Variants in GABBR2 observed in about 807,000 individuals in gnomAD.
GABBR2 encodes gamma-aminobutyric acid type B receptor subunit 2.
In GABBR2, 23 loss-of-function variants were observed where a neutral mutation model predicts 105.6. The observed-to-expected ratio is 0.22, with a 90% CI of 0.16 to 0.31. The LOEUF (loss-of-function observed/expected upper bound fraction) is 0.31. Among genes scored for constraint, GABBR2 ranks in the 10% least tolerant of loss-of-function variants. GABBR2 has a pLI of 1.00. For synonymous variants in GABBR2, 478 were observed against 499.7 expected (o/e 0.96, Z 0.58); for missense variants, 734 against 1,245.5 (o/e 0.59, Z 6.18).
At chr9:98,440,981 C>T (rs558133542) in intron 7 of GABBR2, among the ~76,000 whole-genome samples, 5 of 152,268 alleles carry the variant, frequency 3.3e-5, no homozygotes, top group African/African-American at 4.8e-5. Context: ...TCTTCAGATT[C>T]GTTTTTCATA....
intron 1 of GABBR2, among the ~76,000 whole-genome samples, chr9:98,706,232 G>C (rs1830892629): frequency 6.6e-6 from 1 of 151,944 alleles, no homozygotes; most frequent in Non-Finnish European, 1.5e-5. Context: ...TTCTACCCTG[G>C]CCTGTTATCT....
At chr9:98,612,729 A>G (rs184444358) in intron 1 of GABBR2, among the ~76,000 whole-genome samples, 34 of 152,326 alleles carry the variant, frequency 2.2e-4, no homozygotes, top group African/African-American at 7.0e-4. Context: ...TCAGGGGGGA[A>G]AAAACCACAA....
intron 13 of GABBR2, among the ~76,000 whole-genome samples, chr9:98,323,905 G>C (rs1830870331): frequency 6.6e-6 from 1 of 152,200 alleles, no homozygotes. Flanking sequence ...GTACCACGTG[G>C]GATCCCGGAC....
intron 6 of GABBR2, among the ~76,000 whole-genome samples, chr9:98,467,691 G>T (rs1826589490): frequency 6.6e-6 from 1 of 152,222 alleles, no homozygotes. Flanking sequence ...AAATAATCAT[G>T]GGTGGTCACA....
At chr9:98,409,828 A>G (rs1287203054) in intron 7 of GABBR2, among the ~76,000 whole-genome samples, 2 of 152,170 alleles carry the variant, frequency 1.3e-5, no homozygotes, top group Admixed American at 1.3e-4. Flanking sequence ...GCCCAGCGCT[A>G]CTTGGCTTCC....
intron 4 of GABBR2, among the ~76,000 whole-genome samples, chr9:98,495,113 G>A (rs573159375): frequency 4.5e-4 from 69 of 152,278 alleles, no homozygotes; most frequent in African/African-American, 1.3e-3. Flanking sequence ...CAGCCACCTG[G>A]GCTGTCAAGC....
chr9:98,684,007 C>CAAAAAAAAAAAAAAA (rs367642589), intron 1 of GABBR2, among the ~76,000 whole-genome samples: 2 of 105,928 alleles, frequency 1.9e-5, no homozygotes, highest in Non-Finnish European at 1.9e-5. Context: ...GACTCCATCT[C>CAAAAAAAAAAAAAAA]AAAAAAAAAA....
chr9:98,506,400 T>C (rs1827511556), intron 3 of GABBR2, among the ~76,000 whole-genome samples: 2 of 152,074 alleles, frequency 1.3e-5, no homozygotes, highest in Non-Finnish European at 1.5e-5. Flanking sequence ...CATGGATGAG[T>C]GCATGCTGAG....
At chr9:98,314,284 G>A (rs1830680299) in intron 13 of GABBR2, among the ~76,000 whole-genome samples, 1 of 152,282 alleles carries the variant, frequency 6.6e-6, no homozygotes, top group South Asian at 2.1e-4. Flanking sequence ...TTTAATTAAG[G>A]TGACAGAACT....
chr9:98,492,230 A>G (rs1827188179), intron 4 of GABBR2, among the ~76,000 whole-genome samples: 1 of 151,848 alleles, frequency 6.6e-6, no homozygotes, highest in Non-Finnish European at 1.5e-5. Flanking sequence ...TTGCTCATAT[A>G]GTCTGTACAT....
Position 98,362,856 on chromosome 9 carries a change from C to T in GABBR2, c.1771-19G>A. The T allele has an allele frequency of 6.5e-7, 1 of 1,531,108 alleles. No homozygotes were observed. The highest frequency in any genetic ancestry group is 8.8e-7 in the Non-Finnish European group (1 of 1,141,304). 94.8% of individuals were successfully genotyped at this position (1,531,108 alleles called of 1,614,324 possible). A position where few individuals can be genotyped will look rare whatever the true frequency, so the allele number is the denominator to read the frequency against. ...TGATGATCTACAGAGCGGGAAGGAG[C>T]AGAGGGGAGCCGATGTGAGAGACAG... On this transcript the variant is annotated intron_variant, in intron 12 of 18. Coordinates refer to ENST00000259455, the MANE Select transcript of GABBR2 (RefSeq NM_005458.8).
At chr9:98,588,083 A>G (rs537138226) in intron 1 of GABBR2, among the ~76,000 whole-genome samples, 27 of 152,334 alleles carry the variant, frequency 1.8e-4, no homozygotes, top group Non-Finnish European at 1.8e-4. Context: ...ATAAAGACAG[A>G]AAGTCATTTT....
intron 8 of GABBR2, among the ~76,000 whole-genome samples, chr9:98,400,015 GA>G (rs57472915): frequency 0.024 from 2,459 of 102,962 alleles, 67 homozygotes; most frequent in Admixed American, 0.089. Flanking sequence ...CCACCTCCAT[GA>G]AAAAAAAAAA....
chr9:98,607,987 AT>A, intron 1 of GABBR2: 1 of 1,289,260 alleles, frequency 7.8e-7, no homozygotes, highest in Non-Finnish European at 1.1e-6. Flanking sequence ...ATGAAAAGGA[AT>A]TTGGAAGCAC....
At chr9:98,383,103 G>A (rs1261758053) in intron 11 of GABBR2, among the ~76,000 whole-genome samples, 3 of 151,980 alleles carry the variant, frequency 2.0e-5, no homozygotes, top group Admixed American at 6.6e-5. Context: ...CTCCATGCCC[G>A]GCTAATTTTG....
At chr9:98,484,248 C>T (rs1411146864) in intron 4 of GABBR2, among the ~76,000 whole-genome samples, 1 of 152,212 alleles carries the variant, frequency 6.6e-6, no homozygotes, top group Non-Finnish European at 1.5e-5. Flanking sequence ...GCAAGGACCA[C>T]TTTGTTCAGT....
At chr9:98,433,228 CA>C (rs1825843581) in intron 7 of GABBR2, among the ~76,000 whole-genome samples, 1 of 152,208 alleles carries the variant, frequency 6.6e-6, no homozygotes, top group African/African-American at 2.4e-5. Context: ...GGGGAATTGA[CA>C]GTGATTATGT....
At chr9:98,457,974 T>A (rs1826355943) in intron 6 of GABBR2, among the ~76,000 whole-genome samples, 1 of 152,200 alleles carries the variant, frequency 6.6e-6, no homozygotes. Flanking sequence ...TCTGAGAAAA[T>A]AACTTATGCA....
intron 7 of GABBR2, among the ~76,000 whole-genome samples, chr9:98,425,173 C>T (rs1478997346): frequency 5.3e-5 from 8 of 151,910 alleles, no homozygotes; most frequent in South Asian, 2.1e-4. Context: ...TACAATTGGA[C>T]AGACATAGGG....
Sources: gnomAD v4.1 joint callset for allele counts (sites outside exome capture counted in the v4.1 genomes callset) on GRCh38, gnomAD v4.1.1 for gene constraint, MANE v1.5 for transcripts, NCBI Gene and HGNC (gene_info 2026-07-23, HGNC 2026-07-21) for gene names.